The following CASR variants were observed in gnomAD, a reference collection of about 807,000 sequenced individuals.
The protein encoded by CASR is extracellular calcium-sensing receptor.
Under a neutral mutation model 69.1 loss-of-function variants are expected in CASR, and 23 were observed. The observed-to-expected ratio is 0.33, with a 90% CI of 0.24 to 0.47. The LOEUF (loss-of-function observed/expected upper bound fraction) is 0.47. Among genes scored for constraint, CASR ranks in the 20% least tolerant of loss-of-function variants. The probability of loss-of-function intolerance (pLI) is 1.00; values close to 1 mark genes in which losing one functional copy is unlikely to be tolerated. For synonymous variants in CASR, 541 were observed against 544.7 expected (o/e 0.99, Z 0.10); for missense variants, 924 against 1,356.1 (o/e 0.68, Z 5.00).
At chr3:122,279,116 T>C (rs922999081) in intron 5 of CASR, among the ~76,000 whole-genome samples, 1 of 152,148 alleles carries the variant, frequency 6.6e-6, no homozygotes, top group African/African-American at 2.4e-5. Flanking sequence ...CCTTCCTCTA[T>C]CTTGCCTCCT....
intron 1 of CASR, among the ~76,000 whole-genome samples, chr3:122,192,365 T>C (rs1289909188): frequency 1.3e-5 from 2 of 152,206 alleles, no homozygotes; most frequent in Non-Finnish European, 2.9e-5. Flanking sequence ...AATGGGTTCA[T>C]ACAGGTCTAC....
rs563911521 is a variant in CASR, at chr3:122,257,682, T to C, written c.492+295T>C. On this transcript the variant is annotated intron_variant, in intron 3 of 6. Coordinates refer to ENST00000639785, the MANE Select transcript of CASR (RefSeq NM_000388.4). ...TTTATTTCCCACTCTATTCCTTTAGTAAATTTTTTTTCCTTCTACTTTTAC... is the reference window on the plus strand; with the variant it reads ...TTTATTTCCCACTCTATTCCTTTAGCAAATTTTTTTTCCTTCTACTTTTAC... 21 of 304,590 alleles carry C rather than the reference T, an allele frequency of 6.9e-5. No individual in the cohort carries two copies. The South Asian group carries it at 9.0e-4, about 13-fold the overall frequency. The allele number at this position is 304,590 out of a possible 1,614,324, so 18.9% of individuals were successfully genotyped here.
chr3:122,199,572 A>T (rs563329135), intron 1 of CASR, among the ~76,000 whole-genome samples: 15 of 152,322 alleles, frequency 9.8e-5, no homozygotes, highest in East Asian at 5.8e-4. Flanking sequence ...ATAGAGGTTT[A>T]TTTCTCTTTT....
chr3:122,217,362 C>T (rs1024698469), intron 1 of CASR, among the ~76,000 whole-genome samples: 7 of 152,032 alleles, frequency 4.6e-5, no homozygotes, highest in Admixed American at 6.6e-5. Flanking sequence ...CGGCCTCCCA[C>T]GGTGCTGGGA....
In CASR at chr3:122,285,275, C is replaced by T; in HGVS notation, c.*84C>T. The T allele has an allele frequency of 7.9e-7, 1 of 1,263,978 alleles. No homozygotes were observed. The highest frequency in any genetic ancestry group is 1.2e-6 in the Non-Finnish European group (1 of 867,022). The allele number at this position is 1,263,978 out of a possible 1,614,324, so 78.3% of individuals were successfully genotyped here. A position where few individuals can be genotyped will look rare whatever the true frequency, so the allele number is the denominator to read the frequency against. On this transcript the variant is annotated 3_prime_UTR_variant, in exon 7 of 7. Transcript: ENST00000639785. ...AAGAGGAATCGCCCCAGACTCCTTTCCTCTGAGGAAGAAGGGATAATAGAC... is the reference window on the plus strand; with the variant it reads ...AAGAGGAATCGCCCCAGACTCCTTTTCTCTGAGGAAGAAGGGATAATAGAC...
intron 1 of CASR, among the ~76,000 whole-genome samples, chr3:122,249,156 G>A (rs2074457235): frequency 6.6e-6 from 1 of 152,202 alleles, no homozygotes; most frequent in Non-Finnish European, 1.5e-5. Context: ...GCCAGGTGCT[G>A]TGCTGGGTGC....
intron 5 of CASR, among the ~76,000 whole-genome samples, chr3:122,281,580 T>C (rs1247585597): frequency 6.6e-6 from 1 of 152,208 alleles, no homozygotes; most frequent in Non-Finnish European, 1.5e-5. Flanking sequence ...TTATCAATAG[T>C]TTGTGTTGGA....
Position 122,284,548 on chromosome 3 carries a change from C to G in CASR, c.2594C>G (p.Ser865Cys), listed in dbSNP as rs2074941438. Residue 865 changes from serine to cysteine, a missense_variant, in exon 7 of 7, where the codon TCC (serine) becomes TGC (cysteine). Coordinates refer to ENST00000639785, the MANE Select transcript of CASR (RefSeq NM_000388.4). ...NKIYIILFKP[S>C]RNTIEEVRCS... is the part of the protein sequence containing the mutation. The stretch of plus-strand genomic sequence containing the variant: ...ATCTACATCATTCTCTTCAAGCCAT[C>G]CCGCAACACCATCGAGGAGGTGCGT... 1 of 1,614,034 alleles carries G rather than the reference C, an allele frequency of 6.2e-7. No homozygotes were observed. The highest frequency in any genetic ancestry group is 8.5e-7 in the Non-Finnish European group (1 of 1,180,044).
chr3:122,227,109 G>T (rs2074230765), intron 1 of CASR, among the ~76,000 whole-genome samples: 1 of 152,244 alleles, frequency 6.6e-6, no homozygotes, highest in Non-Finnish European at 1.5e-5. Flanking sequence ...TAGACACAAA[G>T]GTTCTCCAAG....
chr3:122,229,431 G>A (rs1282348360), intron 1 of CASR, among the ~76,000 whole-genome samples: 1 of 152,250 alleles, frequency 6.6e-6, no homozygotes, highest in Non-Finnish European at 1.5e-5. Flanking sequence ...CAAATGAAGT[G>A]AGTTAGATGA....
At chr3:122,282,293 G>A in intron 6 of CASR, 57 bp downstream of exon 6, 1 of 1,571,920 alleles carries the variant, frequency 6.4e-7, no homozygotes, top group Non-Finnish European at 8.8e-7. Context: ...GAGGCCTGGG[G>A]TCAGTGAAGC....
intron 2 of CASR, among the ~76,000 whole-genome samples, 168 bp from the exon 3 acceptor site, chr3:122,256,913 G>A (rs546026662): frequency 2.0e-5 from 3 of 152,300 alleles, no homozygotes; most frequent in South Asian, 2.1e-4. Context: ...GAGCCACCAC[G>A]CCCGGCCATG....
At chr3:122,234,421 G>C (rs897202668) in intron 1 of CASR, among the ~76,000 whole-genome samples, 12 of 152,178 alleles carry the variant, frequency 7.9e-5, no homozygotes, top group Non-Finnish European at 1.8e-4. Context: ...AGCTGAATAA[G>C]AAGAGGAATA....
chr3:122,194,230 C>A (rs1007623678), intron 1 of CASR, among the ~76,000 whole-genome samples: 3 of 152,140 alleles, frequency 2.0e-5, no homozygotes. Flanking sequence ...CAAATATACT[C>A]GCACAGCCCA....
At chr3:122,261,087 T>C (rs1235707955) in intron 3 of CASR, among the ~76,000 whole-genome samples, 1 of 152,208 alleles carries the variant, frequency 6.6e-6, no homozygotes, top group Admixed American at 6.5e-5. Flanking sequence ...AAAGGGAAGT[T>C]AAACTCTTCA....
intron 1 of CASR, among the ~76,000 whole-genome samples, chr3:122,236,435 G>C (rs1160325271): frequency 6.6e-6 from 1 of 152,186 alleles, no homozygotes; most frequent in Non-Finnish European, 1.5e-5. Context: ...CTGACAGGGA[G>C]ACATGTTCCT....
At position 122,283,672 on chromosome 3, in the gene CASR, T is replaced by C; in HGVS notation, c.1733-15T>C. 6.2e-7 allele frequency: 1 copy of C among 1,611,718 alleles called. No homozygotes were observed. The highest frequency in any genetic ancestry group is 8.5e-7 in the Non-Finnish European group (1 of 1,177,824). Reference sequence around the variant, plus strand: ...TGCCACACAATAACTCACTCTTCACTGGGACATTTTACAGATGCCAGTGCC... The same window carrying C: ...TGCCACACAATAACTCACTCTTCACCGGGACATTTTACAGATGCCAGTGCC... On this transcript the variant is annotated splice_polypyrimidine_tract_variant and intron_variant, in intron 6 of 6. Transcript: ENST00000639785.
At chr3:122,230,832 C>G (rs1182022672) in intron 1 of CASR, among the ~76,000 whole-genome samples, 4 of 152,166 alleles carry the variant, frequency 2.6e-5, no homozygotes, top group African/African-American at 9.7e-5. Flanking sequence ...TATCCTGGCC[C>G]CTTCTACTTC....
chr3:122,246,809 G>A (rs2074432600), intron 1 of CASR: 5 of 152,252 alleles, frequency 3.3e-5, no homozygotes. Flanking sequence ...CAAAGACACT[G>A]TGTGAGGTCA....
Sources: gnomAD v4.1 joint callset for allele counts (sites outside exome capture counted in the v4.1 genomes callset) on GRCh38, gnomAD v4.1.1 for gene constraint, MANE v1.5 for transcripts, NCBI Gene and HGNC (gene_info 2026-07-23, HGNC 2026-07-21) for gene names.